The following CTNNA2 variants were observed in gnomAD, a reference collection of about 807,000 sequenced individuals.
CTNNA2 encodes the protein catenin alpha 2, also known as catenin alpha-2.
Under a neutral mutation model 101.0 loss-of-function variants are expected in CTNNA2, and 42 were observed. The observed-to-expected ratio is 0.42, with a 90% CI of 0.32 to 0.54. The LOEUF (loss-of-function observed/expected upper bound fraction) is 0.54, where lower values mean the gene tolerates loss of function less well. CTNNA2 is among the 20% of genes least tolerant of loss of function. The pLI is 0.14. For missense variants in CTNNA2, 871 were observed against 1,223.1 expected, an observed-to-expected ratio of 0.71 and a Z score of 4.29; for synonymous variants, 450 against 456.4, an observed-to-expected ratio of 0.99 and a Z score of 0.18.
chr2:80,559,573 A>C (rs761109151), intron 12 of CTNNA2, among the ~76,000 whole-genome samples: 1 of 152,130 alleles, frequency 6.6e-6, no homozygotes, highest in Non-Finnish European at 1.5e-5. Context: ...AATTTAAGAA[A>C]ATTTTGTAGA....
At chr2:80,374,473 G>A (rs556786448) in intron 7 of CTNNA2, among the ~76,000 whole-genome samples, 2 of 152,046 alleles carry the variant, frequency 1.3e-5, no homozygotes, top group Non-Finnish European at 2.9e-5. Context: ...TGGGTACCTA[G>A]CTTGATTCCA....
intron 4 of CTNNA2, among the ~76,000 whole-genome samples, chr2:79,378,243 G>T (rs541505597): frequency 6.6e-5 from 10 of 152,224 alleles, no homozygotes; most frequent in South Asian, 2.1e-4. Flanking sequence ...AAATGTACAT[G>T]TCTTTGACAT....
rs200851334 is a variant in CTNNA2 at position 80,589,926 on chromosome 2, ATATAG to A, written c.2189+445_2189+449del. 2.6e-5 allele frequency among the ~76,000 whole-genome samples: 4 copies of A among 152,056 alleles called. No individual in the cohort carries two copies. In the East Asian group the frequency reaches 5.8e-4, roughly 22 times the overall value. The stretch of plus-strand genomic sequence containing the variant: ...TGTGTGCGCGCGCGCGCATGTATAC[ATATAG>A]TATGTTGTAATATTAGCTTGTGATC... On this transcript the variant is annotated intron_variant, in intron 15 of 18. Transcript: ENST00000402739.
intron 7 of CTNNA2, among the ~76,000 whole-genome samples, chr2:80,208,160 C>T (rs1707646442): frequency 6.6e-6 from 1 of 152,168 alleles, no homozygotes. Flanking sequence ...AGGATTACAC[C>T]TCTACAAATG....
At chr2:79,866,670 T>A (rs1359927791) in intron 4 of CTNNA2, 1 of 152,152 alleles carries the variant, frequency 6.6e-6, no homozygotes, top group Non-Finnish European at 1.5e-5. Flanking sequence ...TTTCCAAGAG[T>A]AAGATAAAAA....
intron 7 of CTNNA2, among the ~76,000 whole-genome samples, chr2:79,948,676 A>G (rs12478402): frequency 0.12 from 18,483 of 152,208 alleles, 1,489 homozygotes; most frequent in East Asian, 0.27. Flanking sequence ...AACCTATTAA[A>G]TTTCACCTGT....
chr2:79,829,866 C>T (rs1386464913), intron 3 of CTNNA2, among the ~76,000 whole-genome samples: 1 of 151,900 alleles, frequency 6.6e-6, no homozygotes, highest in Non-Finnish European at 1.5e-5. Flanking sequence ...ACTACAGGCG[C>T]CTGCCACCAC....
chr2:80,507,346 T>C (rs1167335508), intron 9 of CTNNA2, among the ~76,000 whole-genome samples: 2 of 152,170 alleles, frequency 1.3e-5, no homozygotes, highest in Non-Finnish European at 2.9e-5. Context: ...GAGTAGTATA[T>C]GGTGGCTACT....
intron 7 of CTNNA2, among the ~76,000 whole-genome samples, chr2:80,232,345 G>GTTTGTTT (rs1709286406): frequency 6.2e-5 from 4 of 64,840 alleles, no homozygotes; most frequent in African/African-American, 2.6e-4. Flanking sequence ...TTGTTTGTTT[G>GTTTGTTT]TTTTTTTTTT....
chr2:80,032,413 T>C (rs1695349060), intron 7 of CTNNA2, among the ~76,000 whole-genome samples: 1 of 152,218 alleles, frequency 6.6e-6, no homozygotes, highest in Non-Finnish European at 1.5e-5. Flanking sequence ...AAAGGAATTA[T>C]TGATAAAATT....
At position 79,566,459 on chromosome 2, in the gene CTNNA2, CCAAA is replaced by C. The variant is rs151126399; in HGVS notation, c.-6+53257_-6+53260del. ...AAAAATGGAAATTTTTTTAATGTTGCCAAACAAAGTGGCTCTCCACTATTATTTT... is the reference window on the plus strand; with the variant it reads ...AAAAATGGAAATTTTTTTAATGTTGCCAAAGTGGCTCTCCACTATTATTTT... On this transcript the variant is annotated intron_variant, in intron 1 of 18. Coordinates refer to ENST00000402739, the MANE Select transcript of CTNNA2 (RefSeq NM_001282597.3). 1.4e-3 allele frequency among the ~76,000 whole-genome samples: 211 copies of C among 152,104 alleles called. 1 individual carries two copies. Among genetic ancestry groups the C allele is most frequent in the East Asian group, 9.5e-3 (49 of 5,162 alleles).
chr2:79,461,039 ACTATGTTGGC>A (rs1400785003), intron 4 of CTNNA2, among the ~76,000 whole-genome samples: 5 of 151,892 alleles, frequency 3.3e-5, no homozygotes, highest in African/African-American at 9.7e-5. Context: ...ACGAGATTTC[ACTATGTTGGC>A]CAGGCTGGTC....
chr2:79,429,863 A>C (rs909550349), intron 4 of CTNNA2, among the ~76,000 whole-genome samples: 2 of 152,172 alleles, frequency 1.3e-5, no homozygotes, highest in Non-Finnish European at 2.9e-5. Flanking sequence ...ATTAAAATTG[A>C]CATCTTTTAA....
At chr2:80,313,463 T>C (rs1165025434) in intron 7 of CTNNA2, 17 of 1,522,800 alleles carry the variant, frequency 1.1e-5, no homozygotes, top group Non-Finnish European at 1.5e-5. Context: ...ACCAATATTA[T>C]TCATGCTATG....
intron 4 of CTNNA2, among the ~76,000 whole-genome samples, chr2:79,387,201 C>G (rs1012607957): frequency 1.3e-5 from 2 of 152,152 alleles, no homozygotes; most frequent in Non-Finnish European, 2.9e-5. Context: ...TATGATAAGT[C>G]CAGCCACCTA....
intron 3 of CTNNA2, among the ~76,000 whole-genome samples, chr2:79,812,572 T>C (rs1388878348): frequency 6.6e-6 from 1 of 152,226 alleles, no homozygotes; most frequent in African/African-American, 2.4e-5. Flanking sequence ...CCCTAATATA[T>C]AAGAAACCTT....
At chr2:80,271,515 GT>G (rs1445849595) in intron 7 of CTNNA2, among the ~76,000 whole-genome samples, 1 of 150,514 alleles carries the variant, frequency 6.6e-6, no homozygotes, top group South Asian at 2.2e-4. Flanking sequence ...TCCACCTCCC[GT>G]GTTCACGCCA....
chr2:79,720,728 A>T (rs149224320), intron 2 of CTNNA2, among the ~76,000 whole-genome samples: 2 of 152,118 alleles, frequency 1.3e-5, no homozygotes, highest in African/African-American at 4.8e-5. Flanking sequence ...TTTTTTGTAC[A>T]TATCCAGGAA....
At chr2:79,427,623 A>T (rs1573161051) in intron 4 of CTNNA2, among the ~76,000 whole-genome samples, 1 of 126,760 alleles carries the variant, frequency 7.9e-6, no homozygotes. Flanking sequence ...CTTTAATATT[A>T]AAAAAAAAAT....
Sources: allele counts gnomAD v4.1 joint callset (sites outside exome capture counted in the v4.1 genomes callset), GRCh38; gene constraint gnomAD v4.1.1; transcripts MANE v1.5; gene names NCBI Gene and HGNC (gene_info 2026-07-23, HGNC 2026-07-21).